Variants in VRK2 observed in about 807,000 individuals in gnomAD.
VRK2 encodes the protein VRK serine/threonine kinase 2.
In VRK2, 60 loss-of-function variants were observed where a neutral mutation model predicts 57.6. The observed-to-expected ratio is 1.04, with a 90% CI of 0.85 to 1.29. The LOEUF is 1.29. Ranked by LOEUF, VRK2 falls within the 50% of genes most tolerant of loss-of-function variation. The pLI, the probability that VRK2 is intolerant of heterozygous loss-of-function variation, is 0.00. For missense variants in VRK2, 705 were observed against 588.1 expected, an observed-to-expected ratio of 1.20 and a Z score of -2.06; for synonymous variants, 231 against 199.2, an observed-to-expected ratio of 1.16 and a Z score of -1.35.
chr2:58,110,621 A>G (rs1208297658), intron 7 of VRK2, among the ~76,000 whole-genome samples: 2 of 152,158 alleles, frequency 1.3e-5, no homozygotes, highest in Non-Finnish European at 2.9e-5. Flanking sequence ...GGGGAGGCTA[A>G]TACTGAGATA....
chr2:58,028,549 T>C (rs1337889382), intron 2 of VRK2, among the ~76,000 whole-genome samples: 2 of 152,084 alleles, frequency 1.3e-5, no homozygotes, highest in Non-Finnish European at 2.9e-5. Context: ...TGTAATACTA[T>C]GCAGCCATAA....
At chr2:57,960,979 G>C (rs1386692654) in intron 1 of VRK2, among the ~76,000 whole-genome samples, 1 of 152,138 alleles carries the variant, frequency 6.6e-6, no homozygotes, top group Non-Finnish European at 1.5e-5. Context: ...AATATGTACT[G>C]AACAGTTACT....
intron 1 of VRK2, among the ~76,000 whole-genome samples, chr2:57,908,983 G>A (rs1375527743): frequency 3.9e-5 from 6 of 152,110 alleles, no homozygotes; most frequent in Non-Finnish European, 7.4e-5. Flanking sequence ...AATTAGGGAC[G>A]TTCCAATAGG....
intron 7 of VRK2, among the ~76,000 whole-genome samples, chr2:58,095,289 G>A (rs1200115493): frequency 7.0e-5 from 9 of 128,614 alleles, no homozygotes; most frequent in African/African-American, 2.1e-4. Context: ...GCGAGACTCC[G>A]TCTCAAAAAA....
intron 1 of VRK2, among the ~76,000 whole-genome samples, chr2:57,955,691 C>A (rs181520025): frequency 6.6e-6 from 1 of 152,216 alleles, no homozygotes; most frequent in Admixed American, 6.5e-5. Context: ...CAAACCACCA[C>A]CACACACATT....
intron 1 of VRK2, among the ~76,000 whole-genome samples, chr2:57,945,674 T>G (rs1671241189): frequency 6.6e-6 from 1 of 152,170 alleles, no homozygotes; most frequent in South Asian, 2.1e-4. Flanking sequence ...CTATACTTCA[T>G]TGTTAAAAGC....
chr2:58,113,264 G>C (rs1351490211), intron 7 of VRK2, among the ~76,000 whole-genome samples: 2 of 149,896 alleles, frequency 1.3e-5, no homozygotes, highest in Non-Finnish European at 2.9e-5. Flanking sequence ...AGCTGAGACT[G>C]TGCCACTGCA....
intron 12 of VRK2, among the ~76,000 whole-genome samples, chr2:58,150,165 G>C (rs895855353): frequency 1.1e-4 from 16 of 151,278 alleles, no homozygotes; most frequent in Non-Finnish European, 1.5e-5. Flanking sequence ...GTTGCACTCT[G>C]TTTTCAGAAA....
At chr2:58,111,640 T>C (rs1161167182) in intron 7 of VRK2, among the ~76,000 whole-genome samples, 2 of 152,194 alleles carry the variant, frequency 1.3e-5, no homozygotes, top group African/African-American at 4.8e-5. Flanking sequence ...TATATTCCTG[T>C]GGCTAGTCTT....
chr2:58,134,555 G>A (rs1180612772), intron 9 of VRK2, among the ~76,000 whole-genome samples: 2 of 149,216 alleles, frequency 1.3e-5, no homozygotes, highest in Admixed American at 6.7e-5. Context: ...AGCTTGCAGT[G>A]AGCCGAGATT....
At position 58,123,107 on chromosome 2, in the gene VRK2, C is replaced by T; in HGVS notation, c.550C>T (p.Leu184Phe). The T allele has an allele frequency of 6.3e-7, 1 of 1,598,220 alleles. No homozygotes were observed. The highest frequency in any genetic ancestry group is 8.5e-7 in the Non-Finnish European group (1 of 1,175,500). Reference sequence around the variant, plus strand: ...GTCTGTGCTTGTCTTCCAGGTTTATCTTGCAGATTATGGACTTTCCTACAG... The same window carrying T: ...GTCTGTGCTTGTCTTCCAGGTTTATTTTGCAGATTATGGACTTTCCTACAG... ...LGYKNPDQVY[L>F]ADYGLSYRYC... The change falls in exon 8 of 13, where the codon CTT becomes TTT. Residue 184 changes from leucine (L) to phenylalanine (F), a missense_variant. Coordinates refer to ENST00000340157, the MANE Select transcript of VRK2 (RefSeq NM_006296.7).
intron 7 of VRK2, among the ~76,000 whole-genome samples, chr2:58,116,146 C>T (rs1475292144): frequency 2.0e-5 from 3 of 152,196 alleles, no homozygotes; most frequent in South Asian, 2.1e-4. Flanking sequence ...CCTTTTAAAG[C>T]ATGCTGTGGG....
intron 1 of VRK2, among the ~76,000 whole-genome samples, chr2:58,012,634 G>T (rs1401816025): frequency 6.6e-6 from 1 of 152,176 alleles, no homozygotes; most frequent in Non-Finnish European, 1.5e-5. Flanking sequence ...TTGAAACCAT[G>T]TAAGGGCCTA....
intron 2 of VRK2, among the ~76,000 whole-genome samples, chr2:58,067,432 A>T (rs1256474164): frequency 6.6e-6 from 1 of 152,160 alleles, no homozygotes; most frequent in Non-Finnish European, 1.5e-5. Context: ...TGGGTATAGA[A>T]TTGTTAATAT....
chr2:57,930,010 A>T (rs1410776175), intron 1 of VRK2, among the ~76,000 whole-genome samples: 1 of 151,896 alleles, frequency 6.6e-6, no homozygotes, highest in East Asian at 1.9e-4. Context: ...CAGAGCTGTG[A>T]GCTGCACCAC....
At chr2:57,922,761 C>G (rs112096880) in intron 1 of VRK2, among the ~76,000 whole-genome samples, 1 of 79,686 alleles carries the variant, frequency 1.3e-5, no homozygotes. Flanking sequence ...TCCAATTATA[C>G]TTATAGTTAT....
chr2:58,072,972 TC>T (rs1207042005), intron 2 of VRK2, among the ~76,000 whole-genome samples: 6 of 152,240 alleles, frequency 3.9e-5, no homozygotes, highest in Non-Finnish European at 8.8e-5. Context: ...GCTATAAATT[TC>T]CCTTTAAGCA....
In VRK2 at chr2:58,123,128, T is replaced by C; in HGVS notation, c.571T>C (p.Tyr191His). 1 of 1,601,402 alleles carries C rather than the reference T, an allele frequency of 6.2e-7. No homozygotes were observed. The highest frequency in any genetic ancestry group is 8.5e-7 in the Non-Finnish European group (1 of 1,176,466). Residue 191 changes from tyrosine (Y) to histidine (H), a missense_variant, in exon 8 of 13, where the codon TAC (tyrosine) becomes CAC (histidine). Transcript: ENST00000340157. Reference protein sequence around the residue: ...QVYLADYGLSYRYCPNGNHKQ... With the variant: ...QVYLADYGLSHRYCPNGNHKQ... ...TTATCTTGCAGATTATGGACTTTCC[T>C]ACAGATATTGTCCCAATGGGAACCA...
At chr2:58,129,525 AT>A (rs1019588637) in intron 8 of VRK2, among the ~76,000 whole-genome samples, 14 of 152,290 alleles carry the variant, frequency 9.2e-5, no homozygotes, top group African/African-American at 2.9e-4. Context: ...TTAAAAAAAA[AT>A]TTTTATAGTT....
Sources: allele counts gnomAD v4.1 joint callset (sites outside exome capture counted in the v4.1 genomes callset), GRCh38; gene constraint gnomAD v4.1.1; transcripts MANE v1.5; gene names NCBI Gene and HGNC (gene_info 2026-07-23, HGNC 2026-07-21).